Variants in KCNC4 observed in about 807,000 individuals in gnomAD.
KCNC4 encodes potassium voltage-gated channel subfamily C member 4.
A neutral mutation model predicts 42.8 loss-of-function variants in KCNC4; 23 were observed. That is an observed-to-expected ratio of 0.54 (90% CI 0.39 to 0.76). The LOEUF (loss-of-function observed/expected upper bound fraction) is 0.76, where lower values mean the gene tolerates loss of function less well. Ranked by LOEUF, KCNC4 falls within the 30% of genes least tolerant of loss-of-function variation. The probability of loss-of-function intolerance (pLI) is 0.00; values close to 1 mark genes in which losing one functional copy is unlikely to be tolerated. For missense variants in KCNC4, 751 were observed against 898.2 expected, an observed-to-expected ratio of 0.84 and a Z score of 2.10; for synonymous variants, 422 against 393.5, an observed-to-expected ratio of 1.07 and a Z score of -0.86.
At chr1:110,217,458 G>T (rs1336114012) in intron 1 of KCNC4, among the ~76,000 whole-genome samples, 1 of 152,172 alleles carries the variant, frequency 6.6e-6, no homozygotes, top group East Asian at 1.9e-4. Context: ...TTAGGGAAAG[G>T]GGGAATTTTC....
At chr1:110,271,016 C>T (rs564272290) in intron 1 of KCNC4, among the ~76,000 whole-genome samples, 1 of 152,244 alleles carries the variant, frequency 6.6e-6, no homozygotes, top group Admixed American at 6.5e-5. Flanking sequence ...ATGGAAGGAT[C>T]CTGAGGATGA....
intron 1 of KCNC4, among the ~76,000 whole-genome samples, chr1:110,268,739 T>A (rs1659590416): frequency 6.7e-6 from 1 of 148,168 alleles, no homozygotes; most frequent in Admixed American, 6.8e-5. Flanking sequence ...TATTTTTTTT[T>A]TTTTTTGAGA....
downstream of KCNC4, among the ~76,000 whole-genome samples, chr1:110,283,332 A>G (rs1172675837): frequency 2.0e-5 from 3 of 152,170 alleles, no homozygotes; most frequent in Non-Finnish European, 4.4e-5. Context: ...CCATAGCACT[A>G]AGGAGCCCAC....
At chr1:110,257,692 G>T (rs1659359554) in intron 1 of KCNC4, among the ~76,000 whole-genome samples, 2 of 139,570 alleles carry the variant, frequency 1.4e-5, no homozygotes, top group Admixed American at 1.5e-4. Context: ...CTGCACTCCA[G>T]CCTTGGCAAC....
In KCNC4 at chr1:110,211,343, G is replaced by C; in HGVS notation, c.-157G>C. The stretch of plus-strand genomic sequence containing the variant: ...CCAACTCCTCCCGCTCCGCGTCCTA[G>C]GGGGATAGGCAGGGGCAAGCCCAAG... On this transcript the variant is annotated 5_prime_UTR_variant, in exon 1 of 4. Coordinates refer to ENST00000438661, the MANE Select transcript of KCNC4 (RefSeq NM_001039574.3). The surrounding 1 kb of genome is among the most constrained non-coding windows in gnomAD (Gnocchi z 6.5). 9.1e-7 allele frequency: 1 copy of C among 1,098,654 alleles called. No homozygotes were observed. The highest frequency in any genetic ancestry group is 1.3e-6 in the Non-Finnish European group (1 of 786,394). 68.1% of individuals were successfully genotyped at this position (1,098,654 alleles called of 1,614,324 possible). A position where few individuals can be genotyped will look rare whatever the true frequency, so the allele number is the denominator to read the frequency against.
intron 1 of KCNC4, among the ~76,000 whole-genome samples, chr1:110,257,420 A>G (rs1353900081): frequency 6.6e-6 from 1 of 152,080 alleles, no homozygotes; most frequent in African/African-American, 2.4e-5. Flanking sequence ...CCGCAAAAAA[A>G]AAAAAAGTCC....
exon 4 of KCNC4, chr1:110,248,588 G>T (rs1420826507): frequency 6.6e-6 from 1 of 152,094 alleles, no homozygotes; most frequent in African/African-American, 2.4e-5. Context: ...TTAAATCCCA[G>T]TTCCTCAAAT....
At chr1:110,271,662 C>T (rs1000551322) in intron 1 of KCNC4, among the ~76,000 whole-genome samples, 2 of 151,766 alleles carry the variant, frequency 1.3e-5, no homozygotes, top group Non-Finnish European at 2.9e-5. Context: ...GCCATTCCAA[C>T]AAAAAGTGGG....
chr1:110,272,125 AG>A (rs1379863939), intron 1 of KCNC4, among the ~76,000 whole-genome samples: 1 of 152,164 alleles, frequency 6.6e-6, no homozygotes, highest in Admixed American at 6.5e-5. Flanking sequence ...GCCCTACTGA[AG>A]GGACCAGCTG....
At chr1:110,275,987 T>C (rs1302577119) in intron 1 of KCNC4, among the ~76,000 whole-genome samples, 1 of 149,006 alleles carries the variant, frequency 6.7e-6, no homozygotes. Context: ...AATGAAATCA[T>C]GTATTTTTCA....
intron 1 of KCNC4, among the ~76,000 whole-genome samples, chr1:110,217,826 G>A (rs1470356444): frequency 6.6e-6 from 1 of 152,154 alleles, no homozygotes; most frequent in Non-Finnish European, 1.5e-5. Flanking sequence ...CCCTCAACCA[G>A]GAGCCAGGGA....
At chr1:110,217,542 G>C (rs1046513286) in intron 1 of KCNC4, among the ~76,000 whole-genome samples, 1 of 152,174 alleles carries the variant, frequency 6.6e-6, no homozygotes, top group African/African-American at 2.4e-5. Flanking sequence ...AATTCCATTT[G>C]ACTGAATAGC....
At chr1:110,217,095 G>T (rs1657839649) in intron 1 of KCNC4, among the ~76,000 whole-genome samples, 1 of 152,120 alleles carries the variant, frequency 6.6e-6, no homozygotes, top group Admixed American at 6.5e-5. Context: ...AGTCAGAGGG[G>T]GCCATGCTCC....
chr1:110,212,656 C>T (rs1333192742), intron 1 of KCNC4, among the ~76,000 whole-genome samples: 3 of 152,190 alleles, frequency 2.0e-5, no homozygotes, highest in African/African-American at 7.2e-5. Flanking sequence ...TACATCCTCC[C>T]AGCAGCTCAG....
chr1:110,226,040 CCCCTGG>C lies in KCNC4; in HGVS notation c.1684_1689del (p.Leu562_Ala563del). The C allele has an allele frequency of 6.2e-7, 1 of 1,613,916 alleles. No homozygotes were observed. On this transcript the variant is annotated inframe_deletion, in exon 3 of 4. Transcript: ENST00000438661. ...TGAGGAGGGAGCTGGCCTCACCCAA[CCCCTGG>C]CCTCCTCCCCGACCCCCGAGGAGCG...
intron 1 of KCNC4, chr1:110,222,306 C>G (rs562629682): frequency 1.3e-5 from 2 of 152,474 alleles, no homozygotes; most frequent in African/African-American, 4.8e-5. Flanking sequence ...AGCAACCTGC[C>G]TCGGAGCATT....
intron 1 of KCNC4, among the ~76,000 whole-genome samples, chr1:110,217,556 T>C (rs1448886714): frequency 2.8e-4 from 43 of 151,950 alleles, no homozygotes; most frequent in Admixed American, 2.8e-3. Context: ...GAATAGCGGG[T>C]TCTTGGATAG....
intron 1 of KCNC4, among the ~76,000 whole-genome samples, chr1:110,275,439 A>T (rs1171660785): frequency 1.3e-5 from 2 of 152,232 alleles, no homozygotes; most frequent in Admixed American, 6.5e-5. Flanking sequence ...ACCTCTATGG[A>T]AAACAGTATG....
At chr1:110,230,501 C>T (rs765529752) in intron 3 of KCNC4, among the ~76,000 whole-genome samples, 19 of 152,200 alleles carry the variant, frequency 1.2e-4, no homozygotes, top group Admixed American at 5.2e-4. Context: ...TTCAGGGAAC[C>T]GAGGCCGCTA....
Sources: allele counts gnomAD v4.1 joint callset (sites outside exome capture counted in the v4.1 genomes callset), GRCh38; gene constraint gnomAD v4.1.1; non-coding constraint Gnocchi (gnomAD v3.1); transcripts MANE v1.5; gene names NCBI Gene and HGNC (gene_info 2026-07-23, HGNC 2026-07-21).